The following IL1RL1 variants were observed in gnomAD, a reference collection of about 807,000 sequenced individuals.
IL1RL1 encodes interleukin 1 receptor like 1, also known as interleukin-1 receptor-like 1.
A neutral mutation model predicts 50.9 loss-of-function variants in IL1RL1; 32 were observed. That is an observed-to-expected ratio of 0.63 (90% CI 0.47 to 0.84). The LOEUF is 0.84. Among genes scored for constraint, IL1RL1 ranks in the 40% least tolerant of loss-of-function variants. IL1RL1 has a pLI of 0.00. For synonymous variants in IL1RL1, 275 were observed against 236.0 expected, an observed-to-expected ratio of 1.17 and a Z score of -1.51; for missense variants, 773 against 662.9, an observed-to-expected ratio of 1.17 and a Z score of -1.82.
At position 102,338,238 on chromosome 2, in the gene IL1RL1, A is replaced by G. The variant is rs1370213125; in HGVS notation, c.-27A>G. The G allele has an allele frequency of 1.9e-6, 3 of 1,546,124 alleles. No homozygotes were observed. Among genetic ancestry groups the G allele is most frequent in the Non-Finnish European group, 2.7e-6 (3 of 1,121,452 alleles). ...GGAGTAATCTCAACAACGAGTTACC[A>G]ATACTTGCTCTTGATTGATAAACAG... On this transcript the variant is annotated 5_prime_UTR_variant, in exon 2 of 11. Coordinates refer to ENST00000233954, the MANE Select transcript of IL1RL1 (RefSeq NM_016232.5).
chr2:102,349,348 C>A, intron 10 of IL1RL1, 102 bp downstream of exon 10: 1 of 880,608 alleles, frequency 1.1e-6, no homozygotes, highest in Non-Finnish European at 1.8e-6. Flanking sequence ...GCATTTACTA[C>A]CACAGGCCTT....
intron 1 of IL1RL1, among the ~76,000 whole-genome samples, chr2:102,325,786 A>G (rs1237203947): frequency 1.3e-5 from 2 of 152,218 alleles, no homozygotes; most frequent in African/African-American, 4.8e-5. Flanking sequence ...ACGAAGTGAG[A>G]AGAGAAGTTT....
chr2:102,330,714 T>C (rs1474154622), intron 1 of IL1RL1, among the ~76,000 whole-genome samples: 1 of 152,228 alleles, frequency 6.6e-6, no homozygotes, highest in African/African-American at 2.4e-5. Context: ...TTTCATCTGA[T>C]ATGCAAATTA....
At chr2:102,348,531 G>A (rs1250265325) in intron 9 of IL1RL1, among the ~76,000 whole-genome samples, 1 of 152,132 alleles carries the variant, frequency 6.6e-6, no homozygotes, top group Non-Finnish European at 1.5e-5. Context: ...TCTAACCCAG[G>A]CACACAAGCA....
At chr2:102,313,793 C>T (rs1013775123) in intron 1 of IL1RL1, among the ~76,000 whole-genome samples, 1 of 152,120 alleles carries the variant, frequency 6.6e-6, no homozygotes, top group Non-Finnish European at 1.5e-5. Flanking sequence ...AGTGGCGATG[C>T]CAACATTGTG....
At chr2:102,341,051 C>G in intron 5 of IL1RL1, 1 of 660,792 alleles carries the variant, frequency 1.5e-6, no homozygotes, top group Non-Finnish European at 2.2e-6. Flanking sequence ...AATTCAAAGC[C>G]ACATCTGTTC....
At chr2:102,323,781 G>A (rs1056087140) in intron 1 of IL1RL1, among the ~76,000 whole-genome samples, 2 of 152,080 alleles carry the variant, frequency 1.3e-5, no homozygotes, top group African/African-American at 4.8e-5. Context: ...ATGAGGTGAG[G>A]AGGGTACAAA....
chr2:102,344,800 A>C, intron 8 of IL1RL1: 2 of 928,764 alleles, frequency 2.2e-6, no homozygotes, highest in Non-Finnish European at 2.6e-6. Context: ...ACAAAATACT[A>C]TTTTTATATT....
intron 1 of IL1RL1, among the ~76,000 whole-genome samples, chr2:102,324,713 C>A (rs570583912): frequency 6.7e-4 from 102 of 152,362 alleles, no homozygotes; most frequent in African/African-American, 1.2e-3. Flanking sequence ...TATCCTGCAC[C>A]TGGCTTGGAG....
intron 5 of IL1RL1, 44 bp downstream of exon 5, chr2:102,340,872 G>T (rs1259612484): frequency 6.8e-7 from 1 of 1,467,054 alleles, no homozygotes; most frequent in Non-Finnish European, 9.1e-7. Flanking sequence ...CGTGAAAGAA[G>T]TCGAAGTGGG....
At chr2:102,311,880 A>AT (rs1421750786) in intron 1 of IL1RL1, among the ~76,000 whole-genome samples, 2 of 40,956 alleles carry the variant, frequency 4.9e-5, no homozygotes, top group Non-Finnish European at 8.4e-5. Context: ...ATATTATATA[A>AT]TATAATATAT....
chr2:102,319,097 A>G (rs1411740766), intron 1 of IL1RL1, among the ~76,000 whole-genome samples: 2 of 152,200 alleles, frequency 1.3e-5, no homozygotes, highest in African/African-American at 4.8e-5. Flanking sequence ...GTGGTTAGAA[A>G]TATCTGCTTA....
At chr2:102,314,149 A>AGCG in intron 1 of IL1RL1, among the ~76,000 whole-genome samples, 1 of 151,972 alleles carries the variant, frequency 6.6e-6, no homozygotes. Flanking sequence ...ATAACATAGC[A>AGCG]GCAGCAGCAG....
chr2:102,319,059 G>A (rs1421425438), intron 1 of IL1RL1, among the ~76,000 whole-genome samples: 4 of 152,072 alleles, frequency 2.6e-5, no homozygotes, highest in African/African-American at 4.8e-5. Flanking sequence ...AAATCAGCTC[G>A]GAAAACTCAG....
chr2:102,312,673 A>C (rs1573123210), intron 1 of IL1RL1, among the ~76,000 whole-genome samples: 1 of 152,034 alleles, frequency 6.6e-6, no homozygotes, highest in Admixed American at 6.5e-5. Flanking sequence ...AGGGGTGGAT[A>C]TGAGGATATG....
chr2:102,318,550 A>G (rs1676745018), intron 1 of IL1RL1, among the ~76,000 whole-genome samples: 1 of 152,152 alleles, frequency 6.6e-6, no homozygotes, highest in Non-Finnish European at 1.5e-5. Context: ...GGACATGAGA[A>G]CCTGAAGTTC....
intron 1 of IL1RL1, among the ~76,000 whole-genome samples, chr2:102,337,697 T>C (rs1353108152): frequency 1.3e-5 from 2 of 152,198 alleles, no homozygotes; most frequent in Non-Finnish European, 2.9e-5. Context: ...TGCACATGTG[T>C]CTGTTTGTGA....
At chr2:102,346,396 G>A (rs548953171) in intron 8 of IL1RL1, among the ~76,000 whole-genome samples, 128 of 152,288 alleles carry the variant, frequency 8.4e-4, no homozygotes, top group Admixed American at 1.4e-3. Context: ...AACACAGCCA[G>A]CATTTTCCTA....
At chr2:102,324,708 T>C (rs1676940851) in intron 1 of IL1RL1, among the ~76,000 whole-genome samples, 1 of 152,248 alleles carries the variant, frequency 6.6e-6, no homozygotes. Flanking sequence ...GATTATATCC[T>C]GCACCTGGCT....
Sources: gnomAD v4.1 joint callset for allele counts (sites outside exome capture counted in the v4.1 genomes callset) on GRCh38, gnomAD v4.1.1 for gene constraint, MANE v1.5 for transcripts, NCBI Gene and HGNC (gene_info 2026-07-23, HGNC 2026-07-21) for gene names.